RANBP3: variants seen among roughly 807,000 people sequenced by gnomAD.
RANBP3 encodes RAN binding protein 3.
A neutral mutation model predicts 77.3 loss-of-function variants in RANBP3; 14 were observed. The observed-to-expected ratio is 0.18, with a 90% CI of 0.12 to 0.28. The LOEUF (loss-of-function observed/expected upper bound fraction) is 0.28. Ranked by LOEUF, RANBP3 falls within the 10% of genes least tolerant of loss-of-function variation. RANBP3 has a pLI of 1.00. For missense variants in RANBP3, 586 were observed against 752.3 expected, an observed-to-expected ratio of 0.78 and a Z score of 2.59; for synonymous variants, 315 against 312.4, an observed-to-expected ratio of 1.01 and a Z score of -0.09.
At chr19:5,946,937 C>T (rs2058212583) in intron 3 of RANBP3, among the ~76,000 whole-genome samples, 1 of 152,208 alleles carries the variant, frequency 6.6e-6, no homozygotes, top group South Asian at 2.1e-4. Flanking sequence ...AGTGGGTCCT[C>T]AGGGGTTGGT....
chr19:5,957,889 A>C, intron 2 of RANBP3, 29 bp downstream of exon 2: 1 of 1,611,954 alleles, frequency 6.2e-7, no homozygotes, highest in Non-Finnish European at 8.5e-7. Context: ...AGAGTAACGA[A>C]GTGAAGAGAG....
chr19:5,933,383 A>G (rs1599739056), intron 6 of RANBP3, 31 bp downstream of exon 6: 1 of 1,575,482 alleles, frequency 6.3e-7, no homozygotes, highest in East Asian at 2.3e-5. Context: ...TCAGAGAGCC[A>G]CCCCCCGCCC....
At chr19:5,943,154 C>G (rs1336726169) in intron 3 of RANBP3, among the ~76,000 whole-genome samples, 5 of 152,194 alleles carry the variant, frequency 3.3e-5, no homozygotes, top group African/African-American at 1.2e-4. Flanking sequence ...CCTCCTGGCG[C>G]GCTCCCTGCA....
At position 5,927,922 on chromosome 19, in the gene RANBP3, G is replaced by T. The variant is rs529941297; in HGVS notation, c.813+46C>A. On this transcript the variant is annotated intron_variant, in intron 9 of 16. Transcript: ENST00000340578. Reference sequence around the variant, plus strand: ...TACCTACTTGCCTGCTGTTGAACCTGGGGAAGGCATAAAAAGTCAATGTGC... The same window carrying T: ...TACCTACTTGCCTGCTGTTGAACCTTGGGAAGGCATAAAAAGTCAATGTGC... 104 of 1,571,304 alleles carry T rather than the reference G, an allele frequency of 6.6e-5. 1 individual carries two copies. The East Asian group carries it at 2.1e-3, about 31-fold the overall frequency.
intron 15 of RANBP3, 26 bp downstream of exon 15, chr19:5,918,470 C>A: frequency 6.3e-7 from 1 of 1,588,808 alleles, no homozygotes; most frequent in Non-Finnish European, 8.6e-7. Context: ...TGAGGGGTCC[C>A]AGATGCACCC....
In RANBP3 at chr19:5,952,742, A is replaced by T. The variant is rs1284583120; in HGVS notation, c.79-1146T>A. Among the ~76,000 whole-genome samples the T allele has an allele frequency of 6.6e-6, 1 of 152,200 alleles. No individual in the cohort carries two copies. Among genetic ancestry groups the T allele is most frequent in the Non-Finnish European group, 1.5e-5 (1 of 68,046 alleles). Reference sequence around the variant, plus strand: ...GAAAGGAGCTACAGAAAGAGGATGTAAGAGAATGTACACAAATTCCTAGGA... The same window carrying T: ...GAAAGGAGCTACAGAAAGAGGATGTTAGAGAATGTACACAAATTCCTAGGA... On this transcript the variant is annotated intron_variant, in intron 2 of 16. Transcript: ENST00000340578. This position sits in a 1 kb window ranked among gnomAD's most constrained non-coding sequence, Gnocchi z 4.1.
At chr19:5,922,885 A>G (rs577535828) in intron 13 of RANBP3, among the ~76,000 whole-genome samples, 1 of 152,378 alleles carries the variant, frequency 6.6e-6, no homozygotes, top group East Asian at 1.9e-4. Context: ...GGTTGCAGTG[A>G]GCCGAGACTG....
chr19:5,952,039 C>T lies in RANBP3; in HGVS notation c.79-443G>A, dbSNP rs988657160. Among the ~76,000 whole-genome samples the T allele has an allele frequency of 3.3e-5, 5 of 152,124 alleles. No individual in the cohort carries two copies. Among genetic ancestry groups the T allele is most frequent in the Non-Finnish European group, 7.3e-5 (5 of 68,030 alleles). On this transcript the variant is annotated intron_variant, in intron 2 of 16. Transcript: ENST00000340578. This position sits in a 1 kb window ranked among gnomAD's most constrained non-coding sequence, Gnocchi z 4.1. Reference sequence around the variant, plus strand: ...TAGGAAAGAGGGAGGTGGCTGGAACCCCAAAGTTAGGGAGAAACCAGGGAG... The same window carrying T: ...TAGGAAAGAGGGAGGTGGCTGGAACTCCAAAGTTAGGGAGAAACCAGGGAG...
chr19:5,928,175 G>A (rs567859608), intron 8 of RANBP3, 88 bp from the exon 9 acceptor site: 4 of 1,450,744 alleles, frequency 2.8e-6, no homozygotes, highest in African/African-American at 2.8e-5. Context: ...ACCAGATCAT[G>A]TACTCCACAC....
intron 3 of RANBP3, among the ~76,000 whole-genome samples, chr19:5,949,523 G>C (rs781218515): frequency 1.3e-5 from 2 of 152,200 alleles, no homozygotes; most frequent in Non-Finnish European, 2.9e-5. Flanking sequence ...AGTTACGAGT[G>C]CTAAAACTAC....
chr19:5,932,355 G>T, intron 7 of RANBP3, 97 bp downstream of exon 7: 1 of 890,594 alleles, frequency 1.1e-6, no homozygotes, highest in Non-Finnish European at 1.8e-6. Flanking sequence ...GGTGCATTCA[G>T]CAGTCACCTC....
At chr19:5,953,153 A>G (rs1289133047) in intron 2 of RANBP3, among the ~76,000 whole-genome samples, 1 of 152,226 alleles carries the variant, frequency 6.6e-6, no homozygotes, top group Non-Finnish European at 1.5e-5. Flanking sequence ...ATCTTTGGTT[A>G]AGATGAATGA....
At chr19:5,967,078 T>C (rs1329178154) in intron 1 of RANBP3, among the ~76,000 whole-genome samples, 1 of 152,246 alleles carries the variant, frequency 6.6e-6, no homozygotes, top group African/African-American at 2.4e-5. Flanking sequence ...AGGTCTGTCC[T>C]CCAACTGATT....
rs192386069 is a variant in RANBP3, at chr19:5,959,679, A to G, written c.23-1706T>C. ...TGAATGCACCTATGCCAGGCAATAA[A>G]TGATGTCAAAGGAATGCTGGGGGAC... On this transcript the variant is annotated intron_variant, in intron 1 of 16. Transcript: ENST00000340578. This position sits in a 1 kb window ranked among gnomAD's most constrained non-coding sequence, Gnocchi z 5.1. Among the ~76,000 whole-genome samples, 4 of 152,250 alleles carry G rather than the reference A, an allele frequency of 2.6e-5. No homozygotes were observed. In the East Asian group the frequency reaches 7.7e-4, roughly 29 times the overall value.
At chr19:5,942,700 C>CAAAA (rs11298054) in intron 3 of RANBP3, among the ~76,000 whole-genome samples, 11 of 90,838 alleles carry the variant, frequency 1.2e-4, no homozygotes, top group African/African-American at 1.7e-4. Context: ...GACTCTGTCT[C>CAAAA]AAAAAAAAAA....
At chr19:5,954,227 T>C (rs1206702359) in intron 2 of RANBP3, among the ~76,000 whole-genome samples, 2 of 152,248 alleles carry the variant, frequency 1.3e-5, no homozygotes, top group East Asian at 3.9e-4. Flanking sequence ...CCATCGGGTG[T>C]GGTCTGAGAT....
intron 1 of RANBP3, among the ~76,000 whole-genome samples, chr19:5,969,553 G>A (rs967045597): frequency 2.1e-4 from 32 of 152,256 alleles, no homozygotes; most frequent in African/African-American, 7.5e-4. Context: ...ACCATAAACA[G>A]CGACAGCGAA....
At chr19:5,975,170 G>T (rs950547266) in intron 1 of RANBP3, among the ~76,000 whole-genome samples, 1 of 152,172 alleles carries the variant, frequency 6.6e-6, no homozygotes, top group South Asian at 2.1e-4. Flanking sequence ...GAAATGGAGT[G>T]TTCAAGAAAC....
rs2057882922 is a variant in RANBP3, at chr19:5,924,988, C to G, written c.918-83G>C. On this transcript the variant is annotated intron_variant, in intron 10 of 16. Transcript: ENST00000340578. The surrounding 1 kb of genome is among the most constrained non-coding windows in gnomAD (Gnocchi z 4.7). The stretch of plus-strand genomic sequence containing the variant: ...TGTATGGGTACCCATGGAGCACACA[C>G]TGACACAGAGGGCACAGTGGAGGGG... The G allele has an allele frequency of 2.3e-6, 3 of 1,300,966 alleles. No individual in the cohort carries two copies. Among genetic ancestry groups the G allele is most frequent in the Admixed American group, 3.4e-5 (2 of 59,510 alleles). 80.6% of individuals were successfully genotyped at this position (1,300,966 alleles called of 1,614,324 possible).
Sources: allele counts gnomAD v4.1 joint callset (sites outside exome capture counted in the v4.1 genomes callset), GRCh38; gene constraint gnomAD v4.1.1; non-coding constraint Gnocchi (gnomAD v3.1); transcripts MANE v1.5; gene names NCBI Gene and HGNC (gene_info 2026-07-23, HGNC 2026-07-21).